The following GPC5 variants were observed in gnomAD, a reference collection of about 807,000 sequenced individuals.
GPC5 encodes glypican 5.
A neutral mutation model predicts 53.9 loss-of-function variants in GPC5; 47 were observed. That is an observed-to-expected ratio of 0.87 (90% confidence interval 0.69 to 1.11). The LOEUF (loss-of-function observed/expected upper bound fraction) is 1.11. Among genes scored for constraint, GPC5 ranks in the 50% most tolerant of loss-of-function variants. The pLI is 0.00. For missense variants in GPC5, 748 were observed against 713.1 expected (o/e 1.05, Z -0.56); for synonymous variants, 286 against 263.3 (o/e 1.09, Z -0.84).
chr13:92,354,990 T>TTTAATATAA (rs1566553480), intron 7 of GPC5, among the ~76,000 whole-genome samples: 8 of 150,178 alleles, frequency 5.3e-5, no homozygotes, highest in African/African-American at 2.0e-4. Context: ...CTTTAATATA[T>TTTAATATAA]AATTTAATAT....
chr13:91,822,902 T>A (rs76028169), intron 5 of GPC5, among the ~76,000 whole-genome samples: 6,723 of 152,196 alleles, frequency 0.044, 176 homozygotes, highest in Middle Eastern at 0.068. Context: ...AAACTTCATG[T>A]TAGACACATG....
intron 1 of GPC5, among the ~76,000 whole-genome samples, chr13:91,418,811 G>A (rs1446958750): frequency 6.6e-6 from 1 of 151,986 alleles, no homozygotes; most frequent in African/African-American, 2.4e-5. Context: ...AGTGGTTGTA[G>A]TACCAACAGG....
intron 6 of GPC5, among the ~76,000 whole-genome samples, chr13:92,131,147 C>G (rs2041739953): frequency 6.6e-6 from 1 of 151,728 alleles, no homozygotes; most frequent in South Asian, 2.1e-4. Context: ...CACTATATAC[C>G]CACTAAATAC....
At chr13:92,537,227 A>G (rs1881754114) in intron 7 of GPC5, among the ~76,000 whole-genome samples, 1 of 152,162 alleles carries the variant, frequency 6.6e-6, no homozygotes, top group African/African-American at 2.4e-5. Flanking sequence ...CAGATTTACA[A>G]TAGTGTAGTT....
chr13:92,556,046 G>T (rs1269630306), intron 7 of GPC5, among the ~76,000 whole-genome samples: 1 of 151,642 alleles, frequency 6.6e-6, no homozygotes, highest in African/African-American at 2.4e-5. Flanking sequence ...TTCATGAGTA[G>T]ATATTTTTAT....
chr13:92,658,868 TA>T (rs1445009049), intron 7 of GPC5: 1 of 151,972 alleles, frequency 6.6e-6, no homozygotes, highest in Non-Finnish European at 1.5e-5. Context: ...GTTTTGCTCT[TA>T]TTTTTTTCTG....
At chr13:92,023,385 A>T (rs1214594953) in intron 6 of GPC5, among the ~76,000 whole-genome samples, 3 of 152,078 alleles carry the variant, frequency 2.0e-5, no homozygotes, top group Non-Finnish European at 4.4e-5. Flanking sequence ...GTCAAGAAAA[A>T]TTAATGCTAT....
At chr13:92,683,610 T>C (rs1010589039) in intron 7 of GPC5, among the ~76,000 whole-genome samples, 5 of 152,236 alleles carry the variant, frequency 3.3e-5, no homozygotes, top group African/African-American at 1.2e-4. Context: ...ATTTACTTTT[T>C]CTATTAATTT....
chr13:92,381,847 G>GATTATATAT lies in GPC5; in HGVS notation c.1561+236860_1561+236861insTATATATAT, dbSNP rs1261792173. Among the ~76,000 whole-genome samples, 813 of 119,580 alleles carry GATTATATAT rather than the reference G, an allele frequency of 6.8e-3. 12 individuals carry two copies. Among genetic ancestry groups the GATTATATAT allele is most frequent in the South Asian group, 0.016 (64 of 3,932 alleles). The allele number at this position is 119,580 out of a possible 152,430, so 78.4% of individuals were successfully genotyped here. On this transcript the variant is annotated intron_variant, in intron 7 of 7. Transcript: ENST00000377067. ...TAATCATATATATTATATTGTATAT[G>GATTATATAT]ATCATATATGATTATATATATCATA... is the stretch of plus-strand genomic sequence containing the variant.
chr13:91,970,295 G>T (rs2040229250), intron 6 of GPC5, among the ~76,000 whole-genome samples: 1 of 152,210 alleles, frequency 6.6e-6, no homozygotes, highest in Middle Eastern at 3.4e-3. Flanking sequence ...TGGGGAATGG[G>T]GAATGGGGAG....
At chr13:91,990,679 A>G (rs1489420564) in intron 6 of GPC5, among the ~76,000 whole-genome samples, 2 of 152,246 alleles carry the variant, frequency 1.3e-5, no homozygotes, top group African/African-American at 4.8e-5. Flanking sequence ...TGCTGTGCAC[A>G]GTGTATCATG....
chr13:91,901,855 A>T (rs1470748450), intron 5 of GPC5, among the ~76,000 whole-genome samples: 1 of 152,040 alleles, frequency 6.6e-6, no homozygotes, highest in African/African-American at 2.4e-5. Context: ...ATATCCAGCC[A>T]CATAACCAGG....
chr13:91,535,657 A>T (rs1886556618), intron 2 of GPC5, among the ~76,000 whole-genome samples: 1 of 152,148 alleles, frequency 6.6e-6, no homozygotes, highest in Non-Finnish European at 1.5e-5. Context: ...TTTAATGGAA[A>T]ATCAAACAGT....
chr13:91,627,932 T>C (rs948221041), intron 2 of GPC5, among the ~76,000 whole-genome samples: 7 of 152,138 alleles, frequency 4.6e-5, no homozygotes, highest in African/African-American at 1.7e-4. Flanking sequence ...ATTGAGTTTA[T>C]CTCTATATAA....
intron 7 of GPC5, chr13:92,340,250 A>G (rs2043355101): frequency 6.6e-6 from 1 of 152,184 alleles, no homozygotes; most frequent in Non-Finnish European, 1.5e-5. Context: ...ATGGTATACA[A>G]TGATGAAAAC....
chr13:91,470,328 C>G (rs1396249712), intron 2 of GPC5, among the ~76,000 whole-genome samples: 1 of 152,108 alleles, frequency 6.6e-6, no homozygotes, highest in East Asian at 1.9e-4. Context: ...AACGTCCTTT[C>G]AAAGGTTAGA....
At chr13:91,658,929 C>A (rs997003080) in intron 2 of GPC5, among the ~76,000 whole-genome samples, 2 of 152,186 alleles carry the variant, frequency 1.3e-5, no homozygotes, top group Non-Finnish European at 2.9e-5. Context: ...TAAAATACTT[C>A]GTGCCCCACT....
At chr13:91,902,768 T>C (rs193168132) in intron 5 of GPC5, among the ~76,000 whole-genome samples, 24 of 152,190 alleles carry the variant, frequency 1.6e-4, no homozygotes, top group Admixed American at 1.4e-3. Context: ...CCATGTTTTT[T>C]TGCATGCAAA....
intron 2 of GPC5, among the ~76,000 whole-genome samples, chr13:91,671,520 A>G (rs1207398736): frequency 2.0e-5 from 3 of 152,038 alleles, no homozygotes; most frequent in South Asian, 2.1e-4. Flanking sequence ...ATAGATAACA[A>G]GGGATGTGAA....
Sources: allele counts gnomAD v4.1 joint callset (sites outside exome capture counted in the v4.1 genomes callset), GRCh38; gene constraint gnomAD v4.1.1; transcripts MANE v1.5; gene names NCBI Gene and HGNC (gene_info 2026-07-23, HGNC 2026-07-21).